Variants in GRM5 observed in about 807,000 individuals in gnomAD.
The protein encoded by GRM5 is metabotropic glutamate receptor 5.
GRM5 carries 19 observed loss-of-function variants against 83.1 expected under a neutral mutation model. The observed-to-expected ratio is 0.23, with a 90% CI of 0.16 to 0.34. The LOEUF is 0.34. Ranked by LOEUF, GRM5 falls within the 10% of genes least tolerant of loss-of-function variation. GRM5 has a pLI of 1.00. For missense variants in GRM5, 1,160 were observed against 1,588.3 expected, an observed-to-expected ratio of 0.73 and a Z score of 4.58; for synonymous variants, 675 against 633.6, an observed-to-expected ratio of 1.07 and a Z score of -0.98.
intron 8 of GRM5, among the ~76,000 whole-genome samples, chr11:88,541,287 G>C (rs1000205443): frequency 1.3e-5 from 2 of 152,214 alleles, no homozygotes; most frequent in African/African-American, 4.8e-5. Flanking sequence ...TGTTTCTTAA[G>C]TACTTAGTAT....
intron 9 of GRM5, among the ~76,000 whole-genome samples, chr11:88,513,221 C>T (rs1266070635): frequency 6.6e-6 from 1 of 152,144 alleles, no homozygotes; most frequent in African/African-American, 2.4e-5. Flanking sequence ...TCTATCTCAC[C>T]TGCTTGATGG....
At chr11:88,969,609 T>C (rs573088629) in intron 2 of GRM5, among the ~76,000 whole-genome samples, 59 of 152,244 alleles carry the variant, frequency 3.9e-4, no homozygotes, top group African/African-American at 1.2e-3. Context: ...TTAATGTTTA[T>C]TAACATGGCT....
intron 3 of GRM5, among the ~76,000 whole-genome samples, chr11:88,792,041 G>A (rs546893055): frequency 6.6e-6 from 1 of 152,096 alleles, no homozygotes; most frequent in Non-Finnish European, 1.5e-5. Context: ...CAAGTTGGGA[G>A]AGCATGTTAG....
At chr11:88,937,105 T>C (rs1937925516) in intron 2 of GRM5, among the ~76,000 whole-genome samples, 1 of 151,650 alleles carries the variant, frequency 6.6e-6, no homozygotes, top group Admixed American at 6.6e-5. Context: ...AAGTGATCTA[T>C]AACAAGTTCA....
intron 3 of GRM5, among the ~76,000 whole-genome samples, chr11:88,815,545 A>T (rs1193559015): frequency 6.6e-6 from 1 of 152,204 alleles, no homozygotes; most frequent in Non-Finnish European, 1.5e-5. Flanking sequence ...CATAATTTTG[A>T]TGTATAGAAG....
intron 2 of GRM5, among the ~76,000 whole-genome samples, chr11:88,933,522 T>C (rs992578846): frequency 1.1e-4 from 17 of 151,984 alleles, no homozygotes; most frequent in African/African-American, 4.1e-4. Context: ...GACAGATTTC[T>C]TCAATTTTTA....
chr11:89,009,855 C>T (rs1333398151), intron 2 of GRM5, among the ~76,000 whole-genome samples: 7 of 132,398 alleles, frequency 5.3e-5, no homozygotes, highest in African/African-American at 1.4e-4. Context: ...GAGCCGAGAT[C>T]GCGCCACTGC....
intron 2 of GRM5, among the ~76,000 whole-genome samples, chr11:88,985,251 TTTTG>T (rs1185679731): frequency 1.3e-5 from 2 of 152,132 alleles, no homozygotes; most frequent in African/African-American, 4.8e-5. Flanking sequence ...ATATAACCAA[TTTTG>T]TTTATTTATT....
intron 3 of GRM5, among the ~76,000 whole-genome samples, chr11:88,771,904 C>G (rs1030021426): frequency 4.6e-5 from 7 of 152,078 alleles, no homozygotes; most frequent in Admixed American, 6.6e-5. Flanking sequence ...GGTTTGTTCT[C>G]CCTCACTATG....
intron 3 of GRM5, among the ~76,000 whole-genome samples, chr11:88,696,818 C>A (rs1218447041): frequency 6.6e-6 from 1 of 152,066 alleles, no homozygotes; most frequent in African/African-American, 2.4e-5. Context: ...GGTGTTATTA[C>A]CTTTGAATAA....
chr11:88,657,762 T>C (rs1939801471), intron 3 of GRM5, among the ~76,000 whole-genome samples: 1 of 152,136 alleles, frequency 6.6e-6, no homozygotes. Context: ...TAGGTCTCTA[T>C]AACCTTCCTT....
At chr11:88,676,961 T>C (rs1940345387) in intron 3 of GRM5, among the ~76,000 whole-genome samples, 1 of 152,044 alleles carries the variant, frequency 6.6e-6, no homozygotes, top group South Asian at 2.1e-4. Context: ...AATAAAAATA[T>C]AATCTCTTCT....
At chr11:88,756,643 CTT>C (rs1029190504) in intron 3 of GRM5, among the ~76,000 whole-genome samples, 4 of 151,826 alleles carry the variant, frequency 2.6e-5, no homozygotes, top group East Asian at 3.9e-4. Flanking sequence ...TAAACTATAA[CTT>C]TGTTGTATAA....
chr11:88,994,692 T>A (rs1940120296), intron 2 of GRM5, among the ~76,000 whole-genome samples: 1 of 151,348 alleles, frequency 6.6e-6, no homozygotes, highest in Non-Finnish European at 1.5e-5. Context: ...GATTTTAATT[T>A]ACTTTATATC....
At chr11:88,673,365 T>A (rs1459456915) in intron 3 of GRM5, among the ~76,000 whole-genome samples, 2 of 151,848 alleles carry the variant, frequency 1.3e-5, no homozygotes, top group Non-Finnish European at 2.9e-5. Flanking sequence ...ATTTTCTGAT[T>A]TGAGTGATTA....
intron 2 of GRM5, among the ~76,000 whole-genome samples, chr11:88,903,149 G>A (rs1326429545): frequency 1.3e-5 from 2 of 151,984 alleles, no homozygotes; most frequent in South Asian, 2.1e-4. Context: ...GGGCAGGGGC[G>A]AAGCAAATGC....
chr11:88,744,842 G>A (rs1012244524), intron 3 of GRM5, among the ~76,000 whole-genome samples: 1 of 152,054 alleles, frequency 6.6e-6, no homozygotes, highest in African/African-American at 2.4e-5. Context: ...AAAACATTTG[G>A]CAAACACTGA....
At chr11:88,748,501 A>T (rs1942190930) in intron 3 of GRM5, among the ~76,000 whole-genome samples, 1 of 152,124 alleles carries the variant, frequency 6.6e-6, no homozygotes, top group African/African-American at 2.4e-5. Context: ...CAGTTGAGTC[A>T]GCTGCTCCAG....
intron 2 of GRM5, among the ~76,000 whole-genome samples, chr11:89,039,727 C>A (rs2135138837): frequency 6.6e-6 from 1 of 152,240 alleles, no homozygotes; most frequent in Admixed American, 6.5e-5. Flanking sequence ...TGTGTCTTGT[C>A]TTCTCTCTAC....
Sources: allele counts gnomAD v4.1 joint callset (sites outside exome capture counted in the v4.1 genomes callset), GRCh38; gene constraint gnomAD v4.1.1; transcripts MANE v1.5; gene names NCBI Gene and HGNC (gene_info 2026-07-23, HGNC 2026-07-21).